Variants in PAK2 observed in about 807,000 individuals in gnomAD.
The protein encoded by PAK2 is p21 (RAC1) activated kinase 2, also known as serine/threonine-protein kinase PAK 2.
In PAK2, 21 loss-of-function variants were observed where a neutral mutation model predicts 65.9. That is an observed-to-expected ratio of 0.32 (90% CI 0.23 to 0.46). The LOEUF is 0.46. Ranked by LOEUF, PAK2 falls within the 20% of genes least tolerant of loss-of-function variation. The pLI is 1.00. For synonymous variants in PAK2, 204 were observed against 219.7 expected (o/e 0.93, Z 0.63); for missense variants, 324 against 642.6 (o/e 0.50, Z 5.36).
At chr3:196,742,135 G>C (rs1713216372) in intron 1 of PAK2, among the ~76,000 whole-genome samples, 2 of 119,616 alleles carry the variant, frequency 1.7e-5, no homozygotes, top group Non-Finnish European at 3.3e-5. Flanking sequence ...AGTTTCAGTT[G>C]CCCAGGCTGG....
chr3:196,783,825 G>T (rs1269152359), intron 2 of PAK2, among the ~76,000 whole-genome samples: 1 of 152,088 alleles, frequency 6.6e-6, no homozygotes. Flanking sequence ...ATGGAATTAT[G>T]CTGTCTGCAT....
At chr3:196,781,016 C>T (rs1046888276) in intron 1 of PAK2, among the ~76,000 whole-genome samples, 1 of 152,152 alleles carries the variant, frequency 6.6e-6, no homozygotes, top group Non-Finnish European at 1.5e-5. Flanking sequence ...TCTCGATCTC[C>T]TGACCTCGTG....
intron 1 of PAK2, among the ~76,000 whole-genome samples, chr3:196,773,626 A>G (rs780090431): frequency 1.3e-5 from 2 of 152,148 alleles, no homozygotes; most frequent in African/African-American, 2.4e-5. Context: ...TTGTAATCCC[A>G]GCACTTTGGG....
intron 1 of PAK2, among the ~76,000 whole-genome samples, chr3:196,745,388 T>C (rs1334526562): frequency 6.6e-6 from 1 of 150,526 alleles, no homozygotes; most frequent in Non-Finnish European, 1.5e-5. Flanking sequence ...CTTCCCGAAG[T>C]GTTGGGATTA....
chr3:196,757,826 A>G (rs1412716811), intron 1 of PAK2, among the ~76,000 whole-genome samples: 1 of 152,216 alleles, frequency 6.6e-6, no homozygotes, highest in African/African-American at 2.4e-5. Flanking sequence ...GATACTGAAT[A>G]GTGAGAGTTT....
intron 2 of PAK2, chr3:196,784,957 T>A (rs1714836312): frequency 6.6e-6 from 1 of 152,342 alleles, no homozygotes; most frequent in African/African-American, 2.4e-5. Flanking sequence ...TGGTTTTGAT[T>A]TGCATTTCTC....
chr3:196,826,432 A>G (rs1393445737), intron 13 of PAK2, among the ~76,000 whole-genome samples: 2 of 151,172 alleles, frequency 1.3e-5, no homozygotes, highest in Non-Finnish European at 2.9e-5. Flanking sequence ...TTAGCCTCCC[A>G]AAGTACTGGG....
intron 1 of PAK2, among the ~76,000 whole-genome samples, chr3:196,764,354 A>G (rs771689746): frequency 3.2e-4 from 49 of 152,108 alleles, no homozygotes; most frequent in Non-Finnish European, 6.8e-4. Context: ...AGTGGCTCAC[A>G]CCTATAATCC....
intron 1 of PAK2, among the ~76,000 whole-genome samples, chr3:196,772,930 G>A (rs1231564919): frequency 2.6e-5 from 4 of 152,166 alleles, no homozygotes; most frequent in African/African-American, 7.2e-5. Context: ...TTAAATCATT[G>A]TGTTTTTCAG....
At chr3:196,826,419 GC>G (rs904061774) in intron 13 of PAK2, among the ~76,000 whole-genome samples, 2 of 151,912 alleles carry the variant, frequency 1.3e-5, no homozygotes, top group African/African-American at 4.8e-5. Context: ...TGACCGGCCC[GC>G]CTTAGCCTCC....
intron 11 of PAK2, among the ~76,000 whole-genome samples, 198 bp from the exon 12 acceptor site, chr3:196,817,857 TTA>T (rs1381650179): frequency 6.6e-6 from 1 of 152,188 alleles, no homozygotes; most frequent in Non-Finnish European, 1.5e-5. Context: ...TTTTATTTTC[TTA>T]TATAAAACTT....
chr3:196,815,778 T>C (rs1172122966), intron 11 of PAK2, among the ~76,000 whole-genome samples: 2 of 149,164 alleles, frequency 1.3e-5, no homozygotes, highest in Admixed American at 1.3e-4. Flanking sequence ...AGAGCAAGAC[T>C]CCGTCTCAAA....
At chr3:196,781,833 G>A (rs753840178) in intron 1 of PAK2, among the ~76,000 whole-genome samples, 1 of 152,176 alleles carries the variant, frequency 6.6e-6, no homozygotes, top group Non-Finnish European at 1.5e-5. Context: ...GCTGGATGCC[G>A]TGGCTCACAC....
intron 4 of PAK2, among the ~76,000 whole-genome samples, chr3:196,804,089 A>T (rs578187751): frequency 2.0e-5 from 3 of 152,236 alleles, no homozygotes; most frequent in South Asian, 4.1e-4. Context: ...TGCTCACTAC[A>T]TCCTCAGGAT....
At chr3:196,822,433 C>T (rs1179408576) in intron 13 of PAK2, among the ~76,000 whole-genome samples, 1 of 152,178 alleles carries the variant, frequency 6.6e-6, no homozygotes, top group East Asian at 1.9e-4. Context: ...TCACGCCTGT[C>T]ATCCCAGCAT....
intron 1 of PAK2, among the ~76,000 whole-genome samples, chr3:196,760,552 C>CT (rs1713924379): frequency 6.6e-6 from 1 of 152,234 alleles, no homozygotes; most frequent in South Asian, 2.1e-4. Flanking sequence ...AGCCTGGACT[C>CT]TGAGTATGAT....
At chr3:196,751,694 T>TATATATATAA (rs1211217848) in intron 1 of PAK2, among the ~76,000 whole-genome samples, 2 of 45,872 alleles carry the variant, frequency 4.4e-5, no homozygotes, top group African/African-American at 1.2e-4. Flanking sequence ...TATATATATA[T>TATATATATAA]AATTCAGGCT....
At chr3:196,776,516 A>T (rs983440090) in intron 1 of PAK2, among the ~76,000 whole-genome samples, 25 of 152,208 alleles carry the variant, frequency 1.6e-4, no homozygotes, top group African/African-American at 5.5e-4. Flanking sequence ...ATTTGTTGCT[A>T]CTGACACAAT....
At chr3:196,758,534 G>GAGAT (rs1713840262) in intron 1 of PAK2, among the ~76,000 whole-genome samples, 1 of 152,254 alleles carries the variant, frequency 6.6e-6, no homozygotes, top group Admixed American at 6.5e-5. Context: ...AGACTAAAGT[G>GAGAT]AGATGAGTCT....
Sources: allele counts gnomAD v4.1 joint callset (sites outside exome capture counted in the v4.1 genomes callset), GRCh38; gene constraint gnomAD v4.1.1; transcripts MANE v1.5; gene names NCBI Gene and HGNC (gene_info 2026-07-23, HGNC 2026-07-21).